The following NAALADL2 variants were observed in gnomAD, a reference collection of about 807,000 sequenced individuals.
NAALADL2 encodes N-acetylated alpha-linked acidic dipeptidase like 2.
NAALADL2 carries 76 observed loss-of-function variants against 87.2 expected under a neutral mutation model. The observed-to-expected ratio is 0.87, with a 90% CI of 0.72 to 1.05. The LOEUF is 1.05. Among genes scored for constraint, NAALADL2 ranks in the 50% least tolerant of loss-of-function variants. The pLI, the probability that NAALADL2 is intolerant of heterozygous loss-of-function variation, is 0.00. For synonymous variants in NAALADL2, 354 were observed against 331.0 expected (o/e 1.07, Z -0.75); for missense variants, 1,089 against 945.8 (o/e 1.15, Z -1.99).
chr3:175,072,248 G>C (rs192890003), intron 1 of NAALADL2, among the ~76,000 whole-genome samples: 10 of 152,168 alleles, frequency 6.6e-5, no homozygotes, highest in African/African-American at 2.2e-4. Flanking sequence ...TCCTGCCATA[G>C]GCAAGTGACC....
At chr3:174,858,512 T>C (rs1197592689), upstream of NAALADL2, among the ~76,000 whole-genome samples, 1 of 152,064 alleles carries the variant, frequency 6.6e-6, no homozygotes, top group East Asian at 1.9e-4. Context: ...ATCATGACTC[T>C]CCTTTTACAA....
intron 1 of NAALADL2, among the ~76,000 whole-genome samples, chr3:175,060,469 A>G (rs1324080792): frequency 6.6e-6 from 1 of 152,236 alleles, no homozygotes; most frequent in Non-Finnish European, 1.5e-5. Context: ...TTTGACGGAT[A>G]GGCATTGTTT....
chr3:174,689,025 G>A (rs1312258133), intron 2 of NAALADL2, among the ~76,000 whole-genome samples: 2 of 151,734 alleles, frequency 1.3e-5, no homozygotes, highest in Admixed American at 6.6e-5. Context: ...TTATGTAATA[G>A]AGTTGTTACA....
At chr3:175,537,697 C>T (rs563928676) in intron 9 of NAALADL2, among the ~76,000 whole-genome samples, 1 of 152,248 alleles carries the variant, frequency 6.6e-6, no homozygotes, top group South Asian at 2.1e-4. Flanking sequence ...ATCTCACTAC[C>T]TGACATTGTC....
At chr3:175,599,840 A>G (rs1722721160) in intron 10 of NAALADL2, among the ~76,000 whole-genome samples, 1 of 152,160 alleles carries the variant, frequency 6.6e-6, no homozygotes, top group Admixed American at 6.5e-5. Flanking sequence ...AAACAGTTTA[A>G]GATATTTGCC....
chr3:174,888,588 C>T (rs926126194), intron 1 of NAALADL2, among the ~76,000 whole-genome samples: 7 of 152,178 alleles, frequency 4.6e-5, no homozygotes, highest in Non-Finnish European at 8.8e-5. Context: ...GAACGTGACC[C>T]TAAGAGAGAG....
At chr3:175,562,622 T>G (rs1458693886) in intron 9 of NAALADL2, among the ~76,000 whole-genome samples, 1 of 151,910 alleles carries the variant, frequency 6.6e-6, no homozygotes, top group Non-Finnish European at 1.5e-5. Flanking sequence ...TTATGTAGTG[T>G]TAGAAATTGC....
chr3:174,929,943 C>T lies in NAALADL2; in HGVS notation c.43+70493C>T, dbSNP rs564184565. 4.6e-5 allele frequency among the ~76,000 whole-genome samples: 7 copies of T among 152,260 alleles called. No individual in the cohort carries two copies. The South Asian group carries it at 1.2e-3, about 27-fold the overall frequency. On this transcript the variant is annotated intron_variant, in intron 1 of 13. Transcript: ENST00000454872. ...GTATGTAAGGAAGTAAGGATTACCTCTAGCATATAGTATGTACTCAATAAT... is the reference window on the plus strand; with the variant it reads ...GTATGTAAGGAAGTAAGGATTACCTTTAGCATATAGTATGTACTCAATAAT...
intron 2 of NAALADL2, among the ~76,000 whole-genome samples, chr3:175,204,817 C>G (rs1031601876): frequency 6.6e-6 from 1 of 151,972 alleles, no homozygotes; most frequent in Non-Finnish European, 1.5e-5. Flanking sequence ...AGCAGAGAAT[C>G]AAATCAAGAA....
At chr3:175,635,959 A>T (rs1188450745) in intron 11 of NAALADL2, among the ~76,000 whole-genome samples, 1 of 152,136 alleles carries the variant, frequency 6.6e-6, no homozygotes, top group Non-Finnish European at 1.5e-5. Flanking sequence ...ATCAAATGTA[A>T]CACAACATAC....
At chr3:175,326,410 G>A (rs1310360165) in intron 5 of NAALADL2, among the ~76,000 whole-genome samples, 1 of 152,036 alleles carries the variant, frequency 6.6e-6, no homozygotes, top group African/African-American at 2.4e-5. Context: ...AATAATCCTA[G>A]ATTTGCTCAC....
chr3:174,507,812 A>G (rs1719296505), intron 1 of NAALADL2, among the ~76,000 whole-genome samples: 1 of 152,086 alleles, frequency 6.6e-6, no homozygotes, highest in Admixed American at 6.6e-5. Flanking sequence ...AGGTATCATG[A>G]GTTAAGCTGA....
intron 2 of NAALADL2, among the ~76,000 whole-genome samples, chr3:175,116,483 A>G (rs1725191041): frequency 1.3e-5 from 2 of 152,092 alleles, no homozygotes; most frequent in South Asian, 2.1e-4. Flanking sequence ...CCCATTCACA[A>G]TTGCTTCAAA....
chr3:174,873,217 C>CTCTG (rs566722738), intron 1 of NAALADL2, among the ~76,000 whole-genome samples: 1 of 149,610 alleles, frequency 6.7e-6, no homozygotes, highest in African/African-American at 2.5e-5. Flanking sequence ...CTCTCTCTCT[C>CTCTG]TGTGTACATG....
chr3:175,605,127 A>G (rs929785712), intron 10 of NAALADL2, among the ~76,000 whole-genome samples: 11 of 152,198 alleles, frequency 7.2e-5, no homozygotes, highest in African/African-American at 2.7e-4. Flanking sequence ...CAGAATCAGC[A>G]GAGATCTGAT....
At chr3:175,606,217 C>A (rs1252097065) in intron 10 of NAALADL2, among the ~76,000 whole-genome samples, 2 of 152,114 alleles carry the variant, frequency 1.3e-5, no homozygotes, top group South Asian at 2.1e-4. Context: ...ATGAAGGTTT[C>A]ATGCCCAGCA....
chr3:175,338,767 T>G (rs777934545), intron 5 of NAALADL2, among the ~76,000 whole-genome samples: 4 of 151,818 alleles, frequency 2.6e-5, no homozygotes, highest in Non-Finnish European at 5.9e-5. Flanking sequence ...AAGAGTTCCT[T>G]GAGTTTCCCT....
At chr3:174,962,435 A>ATGTCATAGTGAC (rs1742250992) in intron 1 of NAALADL2, among the ~76,000 whole-genome samples, 12 of 115,896 alleles carry the variant, frequency 1.0e-4, no homozygotes, top group South Asian at 2.2e-4. Flanking sequence ...ATATATATGT[A>ATGTCATAGTGAC]TATTTTTAAG....
chr3:175,502,493 A>G (rs951842664), intron 9 of NAALADL2, among the ~76,000 whole-genome samples: 2 of 152,090 alleles, frequency 1.3e-5, no homozygotes, highest in African/African-American at 4.8e-5. Context: ...TTGAACTGAA[A>G]CATTGGCTCT....
Sources: gnomAD v4.1 joint callset for allele counts (sites outside exome capture counted in the v4.1 genomes callset) on GRCh38, gnomAD v4.1.1 for gene constraint, MANE v1.5 for transcripts, NCBI Gene and HGNC (gene_info 2026-07-23, HGNC 2026-07-21) for gene names.